Variants in RNGTT observed in about 807,000 individuals in gnomAD.
The protein encoded by RNGTT is RNA guanylyltransferase and 5'-phosphatase, also known as mRNA-capping enzyme.
In RNGTT, 33 loss-of-function variants were observed where a neutral mutation model predicts 79.3. The observed-to-expected ratio is 0.42, with a 90% CI of 0.32 to 0.56. The LOEUF is 0.56. Among genes scored for constraint, RNGTT ranks in the 20% least tolerant of loss-of-function variants. RNGTT has a pLI of 0.17. For synonymous variants in RNGTT, 222 were observed against 235.9 expected, an observed-to-expected ratio of 0.94 and a Z score of 0.54; for missense variants, 497 against 739.1, an observed-to-expected ratio of 0.67 and a Z score of 3.80.
chr6:88,817,823 C>G (rs536168877), intron 11 of RNGTT, among the ~76,000 whole-genome samples: 368 of 141,614 alleles, frequency 2.6e-3, no homozygotes, highest in African/African-American at 9.5e-3. Context: ...GCAGTGGCGC[C>G]ATCTCGGCTC....
intron 13 of RNGTT, among the ~76,000 whole-genome samples, chr6:88,708,439 C>T (rs1776212871): frequency 6.6e-6 from 1 of 152,036 alleles, no homozygotes. Flanking sequence ...AAGTCTGATC[C>T]TACTAGATAC....
At chr6:88,853,921 A>ATT (rs371087729) in intron 8 of RNGTT, among the ~76,000 whole-genome samples, 157 bp from the exon 9 acceptor site, 9 of 143,240 alleles carry the variant, frequency 6.3e-5, no homozygotes, top group Non-Finnish European at 9.3e-5. Context: ...ACAAATAATA[A>ATT]TTTTTTTTTT....
intron 11 of RNGTT, among the ~76,000 whole-genome samples, chr6:88,840,803 A>T (rs1056471028): frequency 2.7e-5 from 4 of 150,878 alleles, no homozygotes; most frequent in Non-Finnish European, 5.9e-5. Context: ...GAAAAACTAC[A>T]TAACAAGTTG....
intron 8 of RNGTT, among the ~76,000 whole-genome samples, chr6:88,885,118 TCA>T (rs150058750): frequency 2.3e-4 from 34 of 148,818 alleles, no homozygotes; most frequent in African/African-American, 3.2e-4. Context: ...ATGTATATAC[TCA>T]CACACACACA....
At chr6:88,682,639 G>C (rs150146986) in intron 13 of RNGTT, among the ~76,000 whole-genome samples, 4 of 152,144 alleles carry the variant, frequency 2.6e-5, no homozygotes, top group Non-Finnish European at 2.9e-5. Flanking sequence ...GAATGTGCAA[G>C]TTTGTTACAT....
intron 13 of RNGTT, among the ~76,000 whole-genome samples, chr6:88,754,193 TG>T (rs1777930657): frequency 6.6e-6 from 1 of 152,186 alleles, no homozygotes; most frequent in Admixed American, 6.5e-5. Context: ...AAGTGTCTAC[TG>T]AGTAAAGTGA....
At chr6:88,948,443 G>A (rs1785105918) in intron 1 of RNGTT, among the ~76,000 whole-genome samples, 1 of 141,238 alleles carries the variant, frequency 7.1e-6, no homozygotes, top group Admixed American at 6.8e-5. Context: ...ACTGGGAAGT[G>A]AGGAGCCCCT....
Position 88,614,259 on chromosome 6 carries a change from T to C in RNGTT, c.1630+13A>G. The C allele has an allele frequency of 2.5e-6, 4 of 1,613,306 alleles. No individual in the cohort carries two copies. The highest frequency in any genetic ancestry group is 3.4e-6 in the Non-Finnish European group (4 of 1,179,552). On this transcript the variant is annotated intron_variant, in intron 15 of 15. Transcript: ENST00000369485. ...TTTAAATATAATAAGCACTGGTAAGTTGTCATACTCACCCATGGCAGTGTT... is the reference window on the plus strand; with the variant it reads ...TTTAAATATAATAAGCACTGGTAAGCTGTCATACTCACCCATGGCAGTGTT...
intron 2 of RNGTT, among the ~76,000 whole-genome samples, chr6:88,933,408 C>A (rs1231688141): frequency 6.6e-6 from 1 of 152,148 alleles, no homozygotes; most frequent in Non-Finnish European, 1.5e-5. Context: ...CTTCACCATG[C>A]TCCTCCTGCC....
In RNGTT at chr6:88,941,145, T is replaced by C; in HGVS notation, c.100A>G (p.Arg34Gly). ...TCTTCAGCAACTTGACTATCATATC[T>C]TGGTCCTAACATTGTCTTCAGAGGT... Reference protein sequence around the residue: ...FLPLKTMLGPRYDSQVAEENR... With the variant: ...FLPLKTMLGPGYDSQVAEENR... The change falls in exon 2 of 16, where the codon AGA becomes GGA. Residue 34 changes from arginine (R) to glycine (G), a missense_variant. By Grantham distance (125) the Arg-to-Gly change is moderately radical. This residue lies in a region of RNGTT where 440 missense variants were observed against 671.5 expected (regional missense o/e 0.66). Coordinates refer to ENST00000369485, the MANE Select transcript of RNGTT (RefSeq NM_003800.5). 1 of 1,613,172 alleles carries C rather than the reference T, an allele frequency of 6.2e-7. No individual in the cohort carries two copies.
intron 12 of RNGTT, among the ~76,000 whole-genome samples, chr6:88,795,405 G>A (rs1166673121): frequency 6.6e-6 from 1 of 152,046 alleles, no homozygotes; most frequent in Non-Finnish European, 1.5e-5. Context: ...AATAGAACAC[G>A]TTTAATAACT....
intron 1 of RNGTT, among the ~76,000 whole-genome samples, chr6:88,941,450 T>C (rs369322002): frequency 6.6e-6 from 1 of 152,074 alleles, no homozygotes; most frequent in East Asian, 1.9e-4. Flanking sequence ...GTGTTTTTAG[T>C]AGAGACAGGG....
intron 13 of RNGTT, among the ~76,000 whole-genome samples, chr6:88,735,568 A>T (rs947510485): frequency 2.9e-5 from 3 of 103,012 alleles, no homozygotes; most frequent in Admixed American, 1.0e-4. Flanking sequence ...CACGAGTGTT[A>T]AAAAAAAAAA....
chr6:88,612,520 C>T lies in RNGTT; in HGVS notation c.*199G>A, dbSNP rs2610767. 114,720 of 532,908 alleles carry T rather than the reference C, an allele frequency of 0.22. 18,745 individuals are homozygous for T. Among genetic ancestry groups the T allele is most frequent in the African/African-American group, 0.65 (33,924 of 51,854 alleles). 33.0% of individuals were successfully genotyped at this position (532,908 alleles called of 1,614,324 possible). A position where few individuals can be genotyped will look rare whatever the true frequency, so the allele number is the denominator to read the frequency against. ...CAGATAAATAAGATGTTTAAGTCCA[C>T]GATGTATTGCAGCACTGAGGAAACG... On this transcript the variant is annotated 3_prime_UTR_variant, in exon 16 of 16. Transcript: ENST00000369485.
rs370010090 is a variant in RNGTT, at chr6:88,912,732, C to A, written c.368-6292G>T. ...CATTACGACCAACCACACAGAAATA[C>A]AAAAGATCCTCAGAGACTATTCTGA... On this transcript the variant is annotated intron_variant, in intron 4 of 15. Coordinates refer to ENST00000369485, the MANE Select transcript of RNGTT (RefSeq NM_003800.5). Among the ~76,000 whole-genome samples, 515 of 152,146 alleles carry A rather than the reference C, an allele frequency of 3.4e-3. 4 individuals are homozygous for A. The highest frequency in any genetic ancestry group is 0.012 in the African/African-American group (492 of 41,516).
intron 8 of RNGTT, among the ~76,000 whole-genome samples, chr6:88,876,889 A>G (rs1308140314): frequency 2.6e-5 from 4 of 152,234 alleles, no homozygotes; most frequent in Non-Finnish European, 4.4e-5. Flanking sequence ...GTTCTCTAGC[A>G]GATTTTGGTA....
chr6:88,934,036 T>A (rs1190343249), intron 2 of RNGTT, among the ~76,000 whole-genome samples: 1 of 152,108 alleles, frequency 6.6e-6, no homozygotes, highest in East Asian at 1.9e-4. Context: ...TTTGTTTTGT[T>A]TTTTTGAGAG....
chr6:88,944,080 C>T (rs1784932264), intron 1 of RNGTT, among the ~76,000 whole-genome samples: 1 of 152,084 alleles, frequency 6.6e-6, no homozygotes, highest in Non-Finnish European at 1.5e-5. Flanking sequence ...CTAAAACATC[C>T]CCTTTTCAAC....
intron 13 of RNGTT, among the ~76,000 whole-genome samples, chr6:88,698,172 A>G (rs1377352898): frequency 8.5e-6 from 1 of 118,332 alleles, no homozygotes; most frequent in Non-Finnish European, 1.7e-5. Flanking sequence ...TATATGACAT[A>G]TATATGATAT....
Sources: gnomAD v4.1 joint callset for allele counts (sites outside exome capture counted in the v4.1 genomes callset) on GRCh38, gnomAD v4.1.1 for gene constraint, gnomAD v4.1.1 regional missense constraint, MANE v1.5 for transcripts, NCBI Gene and HGNC (gene_info 2026-07-23, HGNC 2026-07-21) for gene names.